The following NFAM1 variants were observed in gnomAD, a reference collection of about 807,000 sequenced individuals.
The protein encoded by NFAM1 is NFAT activating protein with ITAM motif 1.
In NFAM1, 17 loss-of-function variants were observed where a neutral mutation model predicts 29.0. That is an observed-to-expected ratio of 0.59 (90% confidence interval 0.40 to 0.88). NFAM1 has a LOEUF of 0.88. Among genes scored for constraint, NFAM1 ranks in the 40% least tolerant of loss-of-function variants. NFAM1 has a pLI of 0.00. For synonymous variants in NFAM1, 175 were observed against 147.2 expected, an observed-to-expected ratio of 1.19 and a Z score of -1.36; for missense variants, 324 against 344.6, an observed-to-expected ratio of 0.94 and a Z score of 0.47.
At position 42,419,670 on chromosome 22, in the gene NFAM1, C is replaced by A. The variant is rs752847934; in HGVS notation, c.122-7934G>T. Among the ~76,000 whole-genome samples, 12 of 152,186 alleles carry A rather than the reference C, an allele frequency of 7.9e-5. No homozygotes were observed. Among genetic ancestry groups the A allele is most frequent in the Non-Finnish European group, 1.6e-4 (11 of 68,012 alleles). ...GACGTCAGCCTGCCACACTCCGGCG[C>A]CTTCGCCCGTGCTGTTCCGGCTGTG... On this transcript the variant is annotated intron_variant, in intron 1 of 5. Transcript: ENST00000329021. This position sits in a 1 kb window ranked among gnomAD's most constrained non-coding sequence, Gnocchi z 4.5.
At chr22:42,396,120 T>G (rs1266005079) in intron 4 of NFAM1, among the ~76,000 whole-genome samples, 1 of 152,116 alleles carries the variant, frequency 6.6e-6, no homozygotes, top group Non-Finnish European at 1.5e-5. Flanking sequence ...GTCAAGGGCT[T>G]GGCAAAGTTC....
intron 4 of NFAM1, among the ~76,000 whole-genome samples, chr22:42,393,507 C>T (rs946359150): frequency 2.6e-5 from 4 of 151,846 alleles, no homozygotes; most frequent in African/African-American, 9.7e-5. Context: ...CTCCCAGGTT[C>T]AAGCGATTCT....
intron 2 of NFAM1, among the ~76,000 whole-genome samples, chr22:42,410,880 G>A (rs1169284031): frequency 6.6e-6 from 1 of 152,134 alleles, no homozygotes; most frequent in East Asian, 1.9e-4. Flanking sequence ...TTCAGGAGCA[G>A]ATCTGCATGC....
intron 4 of NFAM1, among the ~76,000 whole-genome samples, chr22:42,390,632 C>T (rs1032480717): frequency 6.6e-6 from 1 of 152,098 alleles, no homozygotes; most frequent in East Asian, 1.9e-4. Flanking sequence ...GCCCAGCCAA[C>T]ATGGCAAAAC....
At chr22:42,385,353 C>T (rs1601730154) in intron 5 of NFAM1, 133 bp from the exon 6 acceptor site, 2 of 699,938 alleles carry the variant, frequency 2.9e-6, no homozygotes, top group Non-Finnish European at 5.1e-6. Context: ...GGGGGCCTGC[C>T]CTCTGTCTCC....
chr22:42,420,942 G>A (rs1930424437), intron 1 of NFAM1, among the ~76,000 whole-genome samples: 1 of 152,186 alleles, frequency 6.6e-6, no homozygotes. Context: ...ATGGTAGTCA[G>A]AAATGGCCCT....
At chr22:42,423,550 G>GAAATAAATAAATAAATAAATAAAT (rs60005859) in intron 1 of NFAM1, among the ~76,000 whole-genome samples, 5,062 of 151,422 alleles carry the variant, frequency 0.033, 94 homozygotes, top group South Asian at 0.044. Context: ...CCCCATTTCT[G>GAAATAAATAAATAAATAAATAAAT]AAATAAATAA....
chr22:42,435,242 G>A (rs1444187246), upstream of NFAM1, among the ~76,000 whole-genome samples: 1 of 152,178 alleles, frequency 6.6e-6, no homozygotes, highest in East Asian at 1.9e-4. Flanking sequence ...GGAAATGGGG[G>A]AGCCCAGGTG....
In NFAM1 at chr22:42,397,957, CTGTAGGGAGAA is replaced by C; in HGVS notation, c.565-12_565-2del. On this transcript the variant is annotated splice_acceptor_variant and splice_polypyrimidine_tract_variant and intron_variant, in intron 3 of 5. Coordinates refer to ENST00000329021, the MANE Select transcript of NFAM1 (RefSeq NM_145912.8). LOFTEE classifies it high-confidence loss of function. ...CCTTCCCTGGACCCCGCATCCGCTT[CTGTAGGGAGAA>C]AGGAGTCAGGGCCAGGGATGAGTGG... 1 of 1,575,096 alleles carries C rather than the reference CTGTAGGGAGAA, an allele frequency of 6.3e-7. No individual in the cohort carries two copies. Among genetic ancestry groups the C allele is most frequent in the Non-Finnish European group, 8.7e-7 (1 of 1,152,616 alleles).
upstream of NFAM1, among the ~76,000 whole-genome samples, chr22:42,434,557 G>A (rs1030350404): frequency 3.3e-5 from 5 of 152,320 alleles, no homozygotes; most frequent in East Asian, 3.9e-4. Flanking sequence ...CCCTGGCTGC[G>A]CTGTCGGGGC....
intron 5 of NFAM1, among the ~76,000 whole-genome samples, chr22:42,386,396 AACACACACACACAC>A (rs59742194): frequency 1.6e-5 from 2 of 125,184 alleles, no homozygotes; most frequent in African/African-American, 2.9e-5. Context: ...AAAACAAACA[AACACACACACACAC>A]ACACACACAC....
intron 1 of NFAM1, among the ~76,000 whole-genome samples, chr22:42,413,662 C>CT (rs1473306543): frequency 3.9e-5 from 6 of 152,126 alleles, no homozygotes; most frequent in Non-Finnish European, 7.4e-5. Flanking sequence ...TGGCTCAGGC[C>CT]TGTTGTCCTG....
intron 3 of NFAM1, among the ~76,000 whole-genome samples, chr22:42,405,434 G>A (rs980200461): frequency 6.6e-6 from 1 of 152,148 alleles, no homozygotes; most frequent in African/African-American, 2.4e-5. Flanking sequence ...GCCTCATTTC[G>A]AGTGCCTGGG....
At chr22:42,394,122 G>A (rs376013953) in intron 4 of NFAM1, among the ~76,000 whole-genome samples, 1 of 152,082 alleles carries the variant, frequency 6.6e-6, no homozygotes, top group East Asian at 1.9e-4. Context: ...CGCAACCTCC[G>A]CCTCCCGGGT....
Position 42,382,372 on chromosome 22 carries a change from T to G in NFAM1, c.*2789A>C, listed in dbSNP as rs1455314416. 1 of 152,152 alleles carries G rather than the reference T, an allele frequency of 6.6e-6. No individual in the cohort carries two copies. The highest frequency in any genetic ancestry group is 1.5e-5 in the Non-Finnish European group (1 of 68,052). The allele number at this position is 152,152 out of a possible 1,614,324, so 9.4% of individuals were successfully genotyped here. A position where few individuals can be genotyped will look rare whatever the true frequency, so the allele number is the denominator to read the frequency against. ...CGCCTGGCCTGAGCTGTCTTGACTG[T>G]CACTGCAAACTGAGGCTCAGGTGGC... On this transcript the variant is annotated 3_prime_UTR_variant, in exon 6 of 6. Coordinates refer to ENST00000329021, the MANE Select transcript of NFAM1 (RefSeq NM_145912.8).
rs1278288763 is a variant in NFAM1 at position 42,388,122 on chromosome 22, C to A, written c.664-1044G>T. On this transcript the variant is annotated intron_variant, in intron 4 of 5. Coordinates refer to ENST00000329021, the MANE Select transcript of NFAM1 (RefSeq NM_145912.8). This position sits in a 1 kb window ranked among gnomAD's most constrained non-coding sequence, Gnocchi z 4.1. Reference sequence around the variant, plus strand: ...CTAGGCCCACTCACTCTTGGCCCAGCTAAGAAAGGCCTAGCCAGAGACCTC... The same window carrying A: ...CTAGGCCCACTCACTCTTGGCCCAGATAAGAAAGGCCTAGCCAGAGACCTC... 6.6e-6 allele frequency among the ~76,000 whole-genome samples: 1 copy of A among 152,222 alleles called. No individual in the cohort carries two copies. The highest frequency in any genetic ancestry group is 2.4e-5 in the African/African-American group (1 of 41,452).
At chr22:42,418,021 G>A (rs62239662) in intron 1 of NFAM1, among the ~76,000 whole-genome samples, 9,443 of 152,304 alleles carry the variant, frequency 0.062, 437 homozygotes, top group Non-Finnish European at 0.097. Flanking sequence ...AGGAGACTGT[G>A]TTTTGGGGGG....
intron 2 of NFAM1, chr22:42,410,399 C>T (rs1930041061): frequency 2.7e-6 from 1 of 371,598 alleles, no homozygotes; most frequent in Non-Finnish European, 5.4e-6. Context: ...CTGGCTCATG[C>T]CTGTAATCCC....
At chr22:42,393,557 C>T (rs563600215) in intron 4 of NFAM1, among the ~76,000 whole-genome samples, 96 of 149,824 alleles carry the variant, frequency 6.4e-4, no homozygotes, top group Non-Finnish European at 1.1e-3. Context: ...TACAGGCGCC[C>T]GCCACCACGC....
Sources: allele counts gnomAD v4.1 joint callset (sites outside exome capture counted in the v4.1 genomes callset), GRCh38; gene constraint gnomAD v4.1.1; non-coding constraint Gnocchi (gnomAD v3.1); transcripts MANE v1.5; gene names NCBI Gene and HGNC (gene_info 2026-07-23, HGNC 2026-07-21).